PTPRG: variants seen among roughly 807,000 people sequenced by gnomAD.
The protein encoded by PTPRG is protein tyrosine phosphatase receptor type G.
A neutral mutation model predicts 165.3 loss-of-function variants in PTPRG; 102 were observed. The observed-to-expected ratio is 0.62, with a 90% CI of 0.53 to 0.73. The LOEUF (loss-of-function observed/expected upper bound fraction) is 0.73, where lower values mean the gene tolerates loss of function less well. Ranked by LOEUF, PTPRG falls within the 30% of genes least tolerant of loss-of-function variation. PTPRG has a pLI of 0.00. For missense variants in PTPRG, 1,866 were observed against 1,861.4 expected (o/e 1.00, Z -0.05); for synonymous variants, 675 against 669.5 (o/e 1.01, Z -0.13).
chr3:62,004,280 T>A (rs987297494), intron 4 of PTPRG, among the ~76,000 whole-genome samples: 10 of 152,208 alleles, frequency 6.6e-5, no homozygotes, highest in African/African-American at 2.4e-4. Context: ...GCCTTAGAAG[T>A]GTGTGGAAGA....
intron 5 of PTPRG, among the ~76,000 whole-genome samples, chr3:62,117,361 G>A (rs952537902): frequency 2.6e-5 from 4 of 152,062 alleles, no homozygotes; most frequent in East Asian, 1.9e-4. Flanking sequence ...GTTGAACTTC[G>A]CATATTTAAC....
intron 7 of PTPRG, among the ~76,000 whole-genome samples, chr3:62,161,751 A>T (rs1704769464): frequency 6.6e-6 from 1 of 152,126 alleles, no homozygotes; most frequent in Non-Finnish European, 1.5e-5. Flanking sequence ...CTGTTCTTAG[A>T]TTTTATGTTT....
chr3:61,634,894 T>A (rs1701865357), intron 1 of PTPRG, among the ~76,000 whole-genome samples: 2 of 152,374 alleles, frequency 1.3e-5, no homozygotes, highest in South Asian at 4.1e-4. Flanking sequence ...TTGAGTGAGC[T>A]GATTTCAAGC....
intron 2 of PTPRG, among the ~76,000 whole-genome samples, chr3:61,961,665 A>G (rs9856420): frequency 0.26 from 39,913 of 152,094 alleles, 5,860 homozygotes; most frequent in African/African-American, 0.39. Context: ...TAAGGTTTCC[A>G]TGGATCTACA....
chr3:61,692,008 A>T (rs2030246187), intron 1 of PTPRG, among the ~76,000 whole-genome samples: 1 of 152,240 alleles, frequency 6.6e-6, no homozygotes. Context: ...ATGAAGAATG[A>T]GTATTTCATG....
intron 6 of PTPRG, among the ~76,000 whole-genome samples, chr3:62,148,839 C>T (rs1046463550): frequency 2.6e-5 from 4 of 152,122 alleles, no homozygotes; most frequent in African/African-American, 9.7e-5. Flanking sequence ...CCTGATCCTG[C>T]AGATGAGGAC....
chr3:61,998,598 G>A (rs1257433632), intron 3 of PTPRG, among the ~76,000 whole-genome samples: 2 of 152,148 alleles, frequency 1.3e-5, no homozygotes, highest in African/African-American at 2.4e-5. Context: ...TAAGCTTCAC[G>A]TGTGCCCCAT....
At chr3:61,951,608 C>G (rs201467427) in intron 2 of PTPRG, among the ~76,000 whole-genome samples, 2 of 152,126 alleles carry the variant, frequency 1.3e-5, no homozygotes, top group Non-Finnish European at 2.9e-5. Context: ...CCCTAATTTC[C>G]TGTGTATTTC....
At chr3:61,612,365 C>T (rs1701194775) in intron 1 of PTPRG, among the ~76,000 whole-genome samples, 1 of 152,174 alleles carries the variant, frequency 6.6e-6, no homozygotes, top group African/African-American at 2.4e-5. Context: ...TTTGTCGTGA[C>T]TCTACAATTC....
Position 62,190,296 on chromosome 3 carries a change from C to G in PTPRG, c.1034-1173C>G, listed in dbSNP as rs1559625250. Among the ~76,000 whole-genome samples, 1 of 152,174 alleles carries G rather than the reference C, an allele frequency of 6.6e-6. No individual in the cohort carries two copies. The highest frequency in any genetic ancestry group is 1.9e-4 in the East Asian group (1 of 5,186). On this transcript the variant is annotated intron_variant, in intron 8 of 29. Transcript: ENST00000474889. The surrounding 1 kb of genome is among the most constrained non-coding windows in gnomAD (Gnocchi z 5.2). ...CAGTACACAGGACAGTCCCCAAGAG[C>G]AAGGCATTGTCTAGCTCAAGAGGTC...
chr3:62,265,540 A>G (rs1298066409), intron 17 of PTPRG, among the ~76,000 whole-genome samples: 1 of 152,158 alleles, frequency 6.6e-6, no homozygotes, highest in East Asian at 1.9e-4. Flanking sequence ...GATGTCCTCT[A>G]TAAACAAAGG....
intron 1 of PTPRG, among the ~76,000 whole-genome samples, chr3:61,641,792 T>A (rs1271633598): frequency 6.6e-6 from 1 of 152,162 alleles, no homozygotes; most frequent in Non-Finnish European, 1.5e-5. Flanking sequence ...GGGCTATCAT[T>A]TCAGTGCCTT....
intron 13 of PTPRG, among the ~76,000 whole-genome samples, chr3:62,221,426 C>G (rs1700648634): frequency 6.6e-6 from 1 of 152,160 alleles, no homozygotes; most frequent in Admixed American, 6.5e-5. Flanking sequence ...AATGAGTTGG[C>G]TAAGCATACA....
At chr3:61,806,238 G>A (rs1044786028) in intron 2 of PTPRG, among the ~76,000 whole-genome samples, 4 of 152,152 alleles carry the variant, frequency 2.6e-5, no homozygotes, top group African/African-American at 7.2e-5. Flanking sequence ...ATTATAGCAA[G>A]CCTGACTTGA....
rs796764985 is a variant in PTPRG, at chr3:61,697,888, C to T, written c.86-50990C>T. On this transcript the variant is annotated intron_variant, in intron 1 of 29. Coordinates refer to ENST00000474889, the MANE Select transcript of PTPRG (RefSeq NM_002841.4). ...TGTTGTCAGTTTGAGCACACATAAA[C>T]ATTCAGAGGGAGAGGGAAAATTCTT... Among the ~76,000 whole-genome samples, 31 of 152,266 alleles carry T rather than the reference C, an allele frequency of 2.0e-4. 1 individual carries two copies. Among genetic ancestry groups the T allele is most frequent in the African/African-American group, 7.5e-4 (31 of 41,556 alleles).
intron 19 of PTPRG, 128 bp downstream of exon 19, chr3:62,267,947 C>T (rs1701937897): frequency 1.9e-6 from 2 of 1,050,928 alleles, no homozygotes; most frequent in Admixed American, 5.1e-5. Flanking sequence ...GTTCTCTCTG[C>T]TTTATCTTGC....
chr3:61,930,234 A>C (rs1011918320), intron 2 of PTPRG, among the ~76,000 whole-genome samples: 6 of 152,200 alleles, frequency 3.9e-5, no homozygotes, highest in African/African-American at 1.4e-4. Context: ...GTGTGTTTTT[A>C]GGAAGATTTG....
At chr3:61,870,495 T>G (rs1200921272) in intron 2 of PTPRG, among the ~76,000 whole-genome samples, 24 of 125,638 alleles carry the variant, frequency 1.9e-4, no homozygotes, top group African/African-American at 2.2e-4. Context: ...TTTTTTTTTT[T>G]TTTTTTTGTA....
chr3:61,680,463 G>A (rs1388302642), intron 1 of PTPRG, among the ~76,000 whole-genome samples: 3 of 136,232 alleles, frequency 2.2e-5, no homozygotes, highest in Admixed American at 1.7e-4. Context: ...AAACATCAGC[G>A]TTTTGAGGTT....
Sources: gnomAD v4.1 joint callset for allele counts (sites outside exome capture counted in the v4.1 genomes callset) on GRCh38, gnomAD v4.1.1 for gene constraint, Gnocchi (gnomAD v3.1) non-coding constraint, MANE v1.5 for transcripts, NCBI Gene and HGNC (gene_info 2026-07-23, HGNC 2026-07-21) for gene names.